Variants in FGF12 observed in about 807,000 individuals in gnomAD.
FGF12 encodes fibroblast growth factor 12B.
FGF12 carries 14 observed loss-of-function variants against 23.6 expected under a neutral mutation model. That is an observed-to-expected ratio of 0.59 (90% confidence interval 0.39 to 0.93). The LOEUF is 0.93. FGF12 is among the 40% of genes least tolerant of loss of function. FGF12 has a pLI of 0.00. For synonymous variants in FGF12, 62 were observed against 77.3 expected (o/e 0.80, Z 1.04); for missense variants, 175 against 217.8 (o/e 0.80, Z 1.24).
chr3:192,213,491 C>T (rs967322728), intron 4 of FGF12, among the ~76,000 whole-genome samples: 1 of 152,130 alleles, frequency 6.6e-6, no homozygotes, highest in Non-Finnish European at 1.5e-5. Context: ...TTCATTCGCA[C>T]AGCCATTTCC....
intron 2 of FGF12, among the ~76,000 whole-genome samples, chr3:192,487,683 C>T (rs931620706): frequency 2.0e-5 from 3 of 152,016 alleles, no homozygotes; most frequent in Non-Finnish European, 4.4e-5. Context: ...ATAATGTAAA[C>T]GTAAAGAATG....
chr3:192,197,946 CAAAAAAAAAAAA>C (rs11328919), intron 4 of FGF12, among the ~76,000 whole-genome samples: 9 of 49,130 alleles, frequency 1.8e-4, no homozygotes, highest in Non-Finnish European at 2.9e-4. Flanking sequence ...AATTCCTCCT[CAAAAAAAAAAAA>C]AAAAAAAAAA....
intron 4 of FGF12, among the ~76,000 whole-genome samples, chr3:192,308,805 A>G (rs907654907): frequency 1.3e-5 from 2 of 152,234 alleles, no homozygotes; most frequent in Non-Finnish European, 2.9e-5. Context: ...GGTAGGGGAA[A>G]GATTACAGAT....
At chr3:192,346,249 A>G (rs970236687) in intron 3 of FGF12, among the ~76,000 whole-genome samples, 1 of 152,090 alleles carries the variant, frequency 6.6e-6, no homozygotes, top group Admixed American at 6.6e-5. Context: ...CAGTTAAGAC[A>G]CTCTAAAATA....
chr3:192,722,831 T>A (rs1719082166), intron 2 of FGF12, among the ~76,000 whole-genome samples: 1 of 152,112 alleles, frequency 6.6e-6, no homozygotes, highest in South Asian at 2.1e-4. Context: ...GATAGAAGAG[T>A]GAAATTGTCA....
chr3:192,158,336 T>TTCTTTC (rs1714566093), intron 5 of FGF12, among the ~76,000 whole-genome samples: 4 of 55,590 alleles, frequency 7.2e-5, no homozygotes, highest in South Asian at 5.6e-4. Context: ...TTCTTTCTCT[T>TTCTTTC]TCTTTCTTTC....
intron 2 of FGF12, among the ~76,000 whole-genome samples, chr3:192,505,908 G>C (rs1199445366): frequency 6.6e-6 from 1 of 152,236 alleles, no homozygotes; most frequent in Non-Finnish European, 1.5e-5. Context: ...TGGGGTGGGA[G>C]CTTTATGCTA....
chr3:192,267,887 C>A (rs574173250), intron 4 of FGF12, among the ~76,000 whole-genome samples: 4 of 152,112 alleles, frequency 2.6e-5, no homozygotes, highest in African/African-American at 4.8e-5. Context: ...TTTCTAACAA[C>A]GCACCTTTAA....
chr3:192,654,454 T>C (rs1716324622), intron 2 of FGF12, among the ~76,000 whole-genome samples: 1 of 152,200 alleles, frequency 6.6e-6, no homozygotes, highest in Admixed American at 6.5e-5. Context: ...AGCAACCCAA[T>C]AGCACTTTGA....
At chr3:192,694,398 A>G (rs914830022) in intron 2 of FGF12, among the ~76,000 whole-genome samples, 1 of 152,118 alleles carries the variant, frequency 6.6e-6, no homozygotes, top group Non-Finnish European at 1.5e-5. Context: ...CTGGGTATAC[A>G]CCCAAAGGAA....
chr3:192,534,374 C>A (rs75862007), intron 2 of FGF12, among the ~76,000 whole-genome samples: 184 of 152,058 alleles, frequency 1.2e-3, no homozygotes, highest in African/African-American at 4.2e-3. Flanking sequence ...CTTCCAGAAA[C>A]AAAACCAGAT....
At chr3:192,610,555 C>G (rs377716229) in intron 2 of FGF12, among the ~76,000 whole-genome samples, 9 of 152,006 alleles carry the variant, frequency 5.9e-5, no homozygotes, top group African/African-American at 2.2e-4. Context: ...TCTGCCTGGT[C>G]TCTTTGCTAC....
intron 2 of FGF12, among the ~76,000 whole-genome samples, chr3:192,412,342 G>GA (rs922671541): frequency 1.1e-4 from 16 of 152,316 alleles, no homozygotes; most frequent in African/African-American, 3.6e-4. Flanking sequence ...AGGAGAGAAG[G>GA]AAGTTATGAG....
At chr3:192,376,753 T>G (rs1660527026) in intron 2 of FGF12, among the ~76,000 whole-genome samples, 1 of 152,238 alleles carries the variant, frequency 6.6e-6, no homozygotes, top group Admixed American at 6.5e-5. Flanking sequence ...TAATAAACTT[T>G]TAAAACATTA....
At position 192,596,267 on chromosome 3, in the gene FGF12, G is replaced by A. The variant is rs145296188; in HGVS notation, c.13+130914C>T. Among the ~76,000 whole-genome samples the A allele has an allele frequency of 2.8e-4, 43 of 151,748 alleles. 1 individual carries two copies. In the East Asian group the frequency reaches 7.9e-3, roughly 28 times the overall value. ...GTAATTTTTGTAAATTTATTGAAAC[G>A]TCAAGACTGTTCAATGACTACTTTT... On this transcript the variant is annotated intron_variant, in intron 2 of 5. Coordinates refer to ENST00000445105, the MANE Select transcript of FGF12 (RefSeq NM_004113.6).
At chr3:192,585,905 T>C (rs1713355370) in intron 2 of FGF12, among the ~76,000 whole-genome samples, 1 of 152,182 alleles carries the variant, frequency 6.6e-6, no homozygotes, top group Non-Finnish European at 1.5e-5. Context: ...TCTAGCAACA[T>C]ATCTAAGAAC....
intron 2 of FGF12, among the ~76,000 whole-genome samples, chr3:192,423,715 C>T (rs1365839262): frequency 6.6e-6 from 1 of 152,088 alleles, no homozygotes; most frequent in Non-Finnish European, 1.5e-5. Context: ...CAGCCTAGGC[C>T]TCCTGATTCT....
At chr3:192,631,940 A>T (rs1348048765) in intron 2 of FGF12, among the ~76,000 whole-genome samples, 2 of 152,206 alleles carry the variant, frequency 1.3e-5, no homozygotes, top group Admixed American at 1.3e-4. Context: ...CAGCAGCAAT[A>T]TCTACTCCTT....
intron 4 of FGF12, among the ~76,000 whole-genome samples, chr3:192,203,411 T>C (rs1329733880): frequency 2.0e-5 from 3 of 152,158 alleles, no homozygotes; most frequent in African/African-American, 7.2e-5. Flanking sequence ...TATTGAAAAG[T>C]ATAAACAAAG....
Sources: gnomAD v4.1 joint callset for allele counts (sites outside exome capture counted in the v4.1 genomes callset) on GRCh38, gnomAD v4.1.1 for gene constraint, MANE v1.5 for transcripts, NCBI Gene and HGNC (gene_info 2026-07-23, HGNC 2026-07-21) for gene names.